PRKCQ: variants seen among roughly 807,000 people sequenced by gnomAD.
PRKCQ encodes the protein protein kinase C theta type.
A neutral mutation model predicts 91.2 loss-of-function variants in PRKCQ; 41 were observed. That is an observed-to-expected ratio of 0.45 (90% CI 0.35 to 0.58). The LOEUF is 0.58. Among genes scored for constraint, PRKCQ ranks in the 20% least tolerant of loss-of-function variants. The pLI is 0.00. For synonymous variants in PRKCQ, 307 were observed against 316.9 expected (o/e 0.97, Z 0.33); for missense variants, 673 against 896.5 (o/e 0.75, Z 3.18).
intron 16 of PRKCQ, among the ~76,000 whole-genome samples, chr10:6,433,701 A>G (rs1368580932): frequency 1.3e-5 from 2 of 152,154 alleles, no homozygotes; most frequent in African/African-American, 4.8e-5. Flanking sequence ...ACCATAAAAC[A>G]GCAGGAGTCA....
At chr10:6,488,463 G>A (rs979895796) in intron 8 of PRKCQ, among the ~76,000 whole-genome samples, 1 of 150,122 alleles carries the variant, frequency 6.7e-6, no homozygotes, top group Non-Finnish European at 1.5e-5. Context: ...TTGGCTCACT[G>A]CAACCTCGGC....
chr10:6,517,697 T>C (rs1181824707), intron 1 of PRKCQ, among the ~76,000 whole-genome samples: 1 of 150,458 alleles, frequency 6.6e-6, no homozygotes, highest in East Asian at 2.0e-4. Context: ...TATCAAGTGT[T>C]ATTCCTATTG....
At chr10:6,434,030 TAAAAAAAA>T (rs779037464) in intron 16 of PRKCQ, among the ~76,000 whole-genome samples, 1 of 115,662 alleles carries the variant, frequency 8.6e-6, no homozygotes, top group African/African-American at 3.5e-5. Context: ...CAAGACTCCT[TAAAAAAAA>T]AAAAAAAAAA....
At position 6,546,418 on chromosome 10, in the gene PRKCQ, T is replaced by C. The variant is rs1839954048; in HGVS notation, c.-9-31274A>G. ...AAATTTCAGCGTGGTGCAAGGAATA[T>C]ACACAAAGCTTAGCCATGTGGAAGC... On this transcript the variant is annotated intron_variant, in intron 1 of 17. Transcript: ENST00000263125. 2.6e-5 allele frequency among the ~76,000 whole-genome samples: 4 copies of C among 152,172 alleles called. 1 individual carries two copies. The South Asian group carries it at 8.3e-4, about 31-fold the overall frequency.
intron 1 of PRKCQ, among the ~76,000 whole-genome samples, chr10:6,531,504 C>T (rs1232399750): frequency 2.6e-5 from 4 of 151,282 alleles, no homozygotes; most frequent in Non-Finnish European, 4.4e-5. Context: ...ACCAATAGTG[C>T]GGAGGCTGAG....
intron 8 of PRKCQ, chr10:6,489,460 GA>G: frequency 1.9e-6 from 1 of 531,742 alleles, no homozygotes; most frequent in Middle Eastern, 3.2e-4. Context: ...ATTTTCTTGG[GA>G]ATTATTGTGG....
chr10:6,480,454 T>C (rs576452161), intron 11 of PRKCQ, among the ~76,000 whole-genome samples: 2 of 152,368 alleles, frequency 1.3e-5, no homozygotes, highest in South Asian at 2.1e-4. Context: ...TCAACAATTT[T>C]AGTTTTTGCA....
chr10:6,445,694 C>G (rs1395975016), intron 15 of PRKCQ, among the ~76,000 whole-genome samples: 4 of 152,172 alleles, frequency 2.6e-5, no homozygotes, highest in African/African-American at 9.7e-5. Context: ...CTACTCTTAC[C>G]TCGATATTTA....
intron 7 of PRKCQ, among the ~76,000 whole-genome samples, chr10:6,496,280 T>C (rs1837593821): frequency 1.4e-5 from 2 of 147,350 alleles, no homozygotes; most frequent in African/African-American, 5.0e-5. Flanking sequence ...CCTAAATACA[T>C]ATAAATTTTT....
chr10:6,428,266 G>C lies in PRKCQ; in HGVS notation c.2062C>G (p.Gln688Glu). The C allele has an allele frequency of 6.2e-7, 1 of 1,614,168 alleles. No individual in the cohort carries two copies. The highest frequency in any genetic ancestry group is 8.5e-7 in the Non-Finnish European group (1 of 1,180,042). ...ADRALINSMD[Q>E]NMFRNFSFMN... The stretch of plus-strand genomic sequence containing the variant: ...AAGGAAAAGTTCCTGAACATATTCT[G>C]GTCCATGCTGTTGATCAGTGCTCTG... Residue 688 changes from glutamine (Q) to glutamate (E), a missense_variant, in exon 18 of 18, where the codon CAG (glutamine) becomes GAG (glutamate). Physicochemically the swap from Gln to Glu is conservative, Grantham distance 29 (BLOSUM62 2). Coordinates refer to ENST00000263125, the MANE Select transcript of PRKCQ (RefSeq NM_006257.5).
intron 1 of PRKCQ, among the ~76,000 whole-genome samples, chr10:6,546,281 G>A (rs966777091): frequency 6.6e-6 from 1 of 152,152 alleles, no homozygotes; most frequent in Non-Finnish European, 1.5e-5. Flanking sequence ...GTAAAATGGG[G>A]TGCCAGTGGG....
At chr10:6,424,979 C>T (rs184441434), downstream of PRKCQ, among the ~76,000 whole-genome samples, 85 of 152,290 alleles carry the variant, frequency 5.6e-4, no homozygotes, top group African/African-American at 1.7e-3. Context: ...GGACCGGCAT[C>T]GAAGAGACTG....
chr10:6,397,931 A>G, the PRKCQ span, among the ~76,000 whole-genome samples: 1 of 152,212 alleles, frequency 6.6e-6, no homozygotes, highest in Non-Finnish European at 1.5e-5. Context: ...GTCTAAAAAA[A>G]AAAGAAAGAA....
intron 1 of PRKCQ, among the ~76,000 whole-genome samples, chr10:6,559,409 G>A (rs1323066276): frequency 6.6e-6 from 1 of 152,128 alleles, no homozygotes; most frequent in Non-Finnish European, 1.5e-5. Context: ...CACCCAGGCT[G>A]GAGTGCAGTG....
chr10:6,462,430 C>T, intron 13 of PRKCQ, 65 bp from the exon 14 acceptor site: 1 of 1,473,524 alleles, frequency 6.8e-7, no homozygotes, highest in Non-Finnish European at 9.5e-7. Flanking sequence ...ATCCCAAACC[C>T]AGACTGACCT....
intron 1 of PRKCQ, among the ~76,000 whole-genome samples, chr10:6,551,398 CTT>C (rs368070599): frequency 2.9e-5 from 4 of 138,086 alleles, no homozygotes; most frequent in Non-Finnish European, 3.2e-5. Flanking sequence ...TTTTTTTTTT[CTT>C]TTTTTTTTTT....
chr10:6,566,365 A>G (rs916329584), intron 1 of PRKCQ, among the ~76,000 whole-genome samples: 1 of 152,152 alleles, frequency 6.6e-6, no homozygotes, highest in Non-Finnish European at 1.5e-5. Flanking sequence ...AAATGTATCC[A>G]CTTCTTTCCC....
At chr10:6,442,204 C>A in intron 15 of PRKCQ, 123 bp from the exon 16 acceptor site, 1 of 935,590 alleles carries the variant, frequency 1.1e-6, no homozygotes. Flanking sequence ...GAAAGATCAC[C>A]CTGAAACCCA....
intron 8 of PRKCQ, among the ~76,000 whole-genome samples, chr10:6,489,107 T>C (rs779054896): frequency 2.6e-5 from 4 of 152,156 alleles, no homozygotes; most frequent in Non-Finnish European, 4.4e-5. Flanking sequence ...GAAAGGATTT[T>C]TTTTTTTCAT....
Sources: gnomAD v4.1 joint callset for allele counts (sites outside exome capture counted in the v4.1 genomes callset) on GRCh38, gnomAD v4.1.1 for gene constraint, MANE v1.5 for transcripts, NCBI Gene and HGNC (gene_info 2026-07-23, HGNC 2026-07-21) for gene names.